PDE10A: variants seen among roughly 807,000 people sequenced by gnomAD.
PDE10A encodes the protein phosphodiesterase 10A.
PDE10A carries 39 observed loss-of-function variants against 97.7 expected under a neutral mutation model. The ratio of observed to expected loss-of-function variants is 0.40; its 90% CI spans 0.31 to 0.52. The LOEUF (loss-of-function observed/expected upper bound fraction) is 0.52, where lower values mean the gene tolerates loss of function less well. PDE10A is among the 20% of genes least tolerant of loss of function. The pLI, the probability that PDE10A is intolerant of heterozygous loss-of-function variation, is 0.56. For synonymous variants in PDE10A, 371 were observed against 376.8 expected, an observed-to-expected ratio of 0.98 and a Z score of 0.18; for missense variants, 731 against 1,047.8, an observed-to-expected ratio of 0.70 and a Z score of 4.17.
At chr6:165,764,979 A>C (rs1016237651) in intron 1 of PDE10A, among the ~76,000 whole-genome samples, 2 of 151,918 alleles carry the variant, frequency 1.3e-5, no homozygotes. Context: ...GGTTCTCCAC[A>C]TCCCCATCAG....
chr6:165,607,480 G>A (rs1380880279), intron 1 of PDE10A, among the ~76,000 whole-genome samples: 1 of 152,132 alleles, frequency 6.6e-6, no homozygotes, highest in East Asian at 1.9e-4. Context: ...TGTAGCCTAG[G>A]AGCAGTAGGC....
At chr6:165,421,832 C>T (rs1788716974) in intron 10 of PDE10A, among the ~76,000 whole-genome samples, 1 of 152,124 alleles carries the variant, frequency 6.6e-6, no homozygotes, top group Non-Finnish European at 1.5e-5. Context: ...GAGGCCAAGC[C>T]CCTTGGACTG....
In PDE10A at chr6:165,712,631, CTTTTTTTTTTT is replaced by C. The variant is rs71675206; in HGVS notation, c.-614-169074_-614-169064del. On this transcript the variant is annotated intron_variant, in intron 1 of 19. Transcript: ENST00000366882. ...CATGAGGAACGTTTCAACTTTCTTT[CTTTTTTTTTTT>C]TTTTTTTTTTTTTTTGAGGTGGAGT... is the stretch of plus-strand genomic sequence containing the variant. Among the ~76,000 whole-genome samples, 55 of 88,952 alleles carry C rather than the reference CTTTTTTTTTTT, an allele frequency of 6.2e-4. 1 individual carries two copies. The highest frequency in any genetic ancestry group is 2.0e-3 in the South Asian group (5 of 2,470). The allele number at this position is 88,952 out of a possible 152,430, so 58.4% of individuals were successfully genotyped here. A position where few individuals can be genotyped will look rare whatever the true frequency, so the allele number is the denominator to read the frequency against.
intron 1 of PDE10A, among the ~76,000 whole-genome samples, chr6:165,601,741 T>C (rs1434178989): frequency 6.6e-6 from 1 of 152,212 alleles, no homozygotes; most frequent in Non-Finnish European, 1.5e-5. Context: ...TTATTTGCTC[T>C]TGGGTACATT....
rs1378342956 is a variant in PDE10A, at chr6:165,329,851, G to A, written c.*3174C>T. The A allele has an allele frequency of 6.6e-6, 1 of 152,066 alleles. No homozygotes were observed. The highest frequency in any genetic ancestry group is 2.4e-5 in the African/African-American group (1 of 41,400). 9.4% of individuals were successfully genotyped at this position (152,066 alleles called of 1,614,324 possible). A position where few individuals can be genotyped will look rare whatever the true frequency, so the allele number is the denominator to read the frequency against. On this transcript the variant is annotated 3_prime_UTR_variant, in exon 22 of 22. Transcript: ENST00000539869. ...GGGAACGATTGTGTCTAATATTTTG[G>A]TCTCTTTTGCAAGATGGGTTTTTCA...
At chr6:165,567,925 G>C (rs1015872815) in intron 1 of PDE10A, among the ~76,000 whole-genome samples, 15 of 149,200 alleles carry the variant, frequency 1.0e-4, no homozygotes, top group Non-Finnish European at 2.1e-4. Flanking sequence ...GAAGCCAATA[G>C]TCTCTACTTA....
chr6:165,516,436 G>A (rs373697671), intron 2 of PDE10A, among the ~76,000 whole-genome samples: 3 of 151,954 alleles, frequency 2.0e-5, no homozygotes, highest in African/African-American at 7.3e-5. Context: ...AAAGATACGC[G>A]CACATCAAAA....
intron 1 of PDE10A, among the ~76,000 whole-genome samples, chr6:165,649,188 A>G (rs1433290989): frequency 2.6e-5 from 4 of 152,186 alleles, no homozygotes; most frequent in Admixed American, 2.0e-4. Flanking sequence ...GGAGGTTTAA[A>G]GGTCAGGAAA....
intron 1 of PDE10A, chr6:165,948,329 A>G (rs1783845564): frequency 6.6e-6 from 1 of 152,234 alleles, no homozygotes; most frequent in Non-Finnish European, 1.5e-5. Context: ...TCAATGGAGA[A>G]CAAGAGAAGA....
At chr6:165,364,541 T>C (rs1020655180) in intron 18 of PDE10A, among the ~76,000 whole-genome samples, 4 of 152,180 alleles carry the variant, frequency 2.6e-5, no homozygotes, top group Admixed American at 6.5e-5. Flanking sequence ...AAAGAACACA[T>C]TGATTTCTAT....
chr6:165,422,200 T>G (rs1176845383), intron 10 of PDE10A, among the ~76,000 whole-genome samples: 1 of 152,148 alleles, frequency 6.6e-6, no homozygotes, highest in Non-Finnish European at 1.5e-5. Flanking sequence ...ATCTAAAATT[T>G]TGGTAATATT....
At chr6:165,677,824 T>G (rs1790842744) in intron 1 of PDE10A, among the ~76,000 whole-genome samples, 1 of 152,070 alleles carries the variant, frequency 6.6e-6, no homozygotes, top group East Asian at 1.9e-4. Flanking sequence ...TGTATATATG[T>G]GTGATGTGTG....
intron 3 of PDE10A, among the ~76,000 whole-genome samples, chr6:165,466,346 AG>A (rs1562493628): frequency 6.6e-6 from 1 of 152,236 alleles, no homozygotes; most frequent in Non-Finnish European, 1.5e-5. Flanking sequence ...CTAGTAGAAA[AG>A]GATTAAGCAT....
chr6:165,482,505 T>C lies in PDE10A; in HGVS notation c.995-162A>G, dbSNP rs147998845. Reference sequence around the variant, plus strand: ...TTTTTTAAACTGTAAAGGTTGAACATAACATATTACGAGTTAAGAAGTATA... The same window carrying C: ...TTTTTTAAACTGTAAAGGTTGAACACAACATATTACGAGTTAAGAAGTATA... On this transcript the variant is annotated intron_variant, in intron 2 of 21. Coordinates refer to ENST00000539869, the MANE Select transcript of PDE10A (RefSeq NM_001385079.1). Among the ~76,000 whole-genome samples, 73 of 152,328 alleles carry C rather than the reference T, an allele frequency of 4.8e-4. No homozygotes were observed. In the East Asian group the frequency reaches 0.01, roughly 21 times the overall value.
chr6:165,961,788 C>A (rs1389780003), intron 1 of PDE10A, among the ~76,000 whole-genome samples: 1 of 152,188 alleles, frequency 6.6e-6, no homozygotes, highest in South Asian at 2.1e-4. Flanking sequence ...CAGAGCAAAA[C>A]CCCAGAGCCC....
intron 1 of PDE10A, among the ~76,000 whole-genome samples, chr6:165,591,351 A>C (rs1181539683): frequency 1.3e-5 from 2 of 152,236 alleles, no homozygotes; most frequent in Non-Finnish European, 1.5e-5. Flanking sequence ...AGAAACTGGA[A>C]TGAGGTATAA....
intron 1 of PDE10A, among the ~76,000 whole-genome samples, chr6:165,687,499 A>C (rs1488547197): frequency 1.3e-5 from 2 of 152,200 alleles, no homozygotes; most frequent in African/African-American, 4.8e-5. Context: ...TTGTTTAACC[A>C]ACTGGACTCT....
intron 3 of PDE10A, among the ~76,000 whole-genome samples, chr6:165,457,160 T>A (rs1030196915): frequency 6.6e-6 from 1 of 152,196 alleles, no homozygotes; most frequent in African/African-American, 2.4e-5. Flanking sequence ...AAACATGAAT[T>A]CTATGGCTTG....
chr6:165,490,812 G>A (rs1011906257), intron 2 of PDE10A, among the ~76,000 whole-genome samples: 36 of 152,078 alleles, frequency 2.4e-4, no homozygotes, highest in Non-Finnish European at 2.5e-4. Context: ...CATATTAGCT[G>A]AGTGTGGTGG....
Sources: gnomAD v4.1 joint callset for allele counts (sites outside exome capture counted in the v4.1 genomes callset) on GRCh38, gnomAD v4.1.1 for gene constraint, MANE v1.5 for transcripts, NCBI Gene and HGNC (gene_info 2026-07-23, HGNC 2026-07-21) for gene names.